DUSP19: variants seen among roughly 807,000 people sequenced by gnomAD.
DUSP19 encodes the protein dual specificity phosphatase 19, also known as dual specificity protein phosphatase 19.
DUSP19 carries 14 observed loss-of-function variants against 16.6 expected under a neutral mutation model. The ratio of observed to expected loss-of-function variants is 0.84; its 90% CI spans 0.56 to 1.32. DUSP19 has a LOEUF of 1.32. DUSP19 is among the 40% of genes most tolerant of loss of function. The pLI is 0.00. For synonymous variants in DUSP19, 81 were observed against 90.5 expected (o/e 0.90, Z 0.59); for missense variants, 258 against 255.9 (o/e 1.01, Z -0.06).
intron 3 of DUSP19, among the ~76,000 whole-genome samples, chr2:183,094,440 C>T (rs1242934139): frequency 6.6e-6 from 1 of 152,116 alleles, no homozygotes; most frequent in African/African-American, 2.4e-5. Flanking sequence ...ACTAAAATGT[C>T]TAATTCTGGA....
chr2:183,086,980 C>T, intron 2 of DUSP19, 60 bp from the exon 3 acceptor site: 1 of 1,542,490 alleles, frequency 6.5e-7, no homozygotes, highest in South Asian at 1.2e-5. Context: ...ACCCCAGTCT[C>T]TTTTTAGGTA....
chr2:183,079,514 A>G (rs1699565358), intron 1 of DUSP19, among the ~76,000 whole-genome samples: 1 of 152,224 alleles, frequency 6.6e-6, no homozygotes, highest in Non-Finnish European at 1.5e-5. Flanking sequence ...GAATGTTTGT[A>G]TCAGGCAGAA....
intron 3 of DUSP19, among the ~76,000 whole-genome samples, chr2:183,092,017 C>G (rs1699738150): frequency 6.6e-6 from 1 of 152,100 alleles, no homozygotes; most frequent in African/African-American, 2.4e-5. Context: ...AAAGTGTTGT[C>G]CAGTTTGCTA....
chr2:183,084,242 T>C (rs974724317), intron 2 of DUSP19, among the ~76,000 whole-genome samples: 2 of 151,932 alleles, frequency 1.3e-5, no homozygotes, highest in Non-Finnish European at 1.5e-5. Flanking sequence ...CAGGGGAGAC[T>C]TCCTGGAGGA....
At position 183,079,084 on chromosome 2, in the gene DUSP19, G is replaced by A. The variant is rs757629559; in HGVS notation, c.151G>A (p.Gly51Arg). The change falls in exon 1 of 4, where the codon GGG (glycine) becomes AGG (arginine). Residue 51 changes from glycine (G) to arginine (R), a missense_variant. Physicochemically the swap from Gly to Arg is moderately radical, Grantham distance 125. Coordinates refer to ENST00000354221, the MANE Select transcript of DUSP19 (RefSeq NM_080876.4). The stretch of plus-strand genomic sequence containing the variant: ...TGTGGAAGAAGTAGAGCCGAGCAGT[G>A]GGGGTGGTTGTGGTTATGTGCAGGA... Reference protein sequence around the residue: ...HVVEEVEPSSGGGCGYVQDLS... With the variant: ...HVVEEVEPSSRGGCGYVQDLS... 3 of 1,613,996 alleles carry A rather than the reference G, an allele frequency of 1.9e-6. No individual in the cohort carries two copies. The African/African-American group carries it at 4.0e-5, about 22-fold the overall frequency.
chr2:183,090,609 T>C (rs1435969891), intron 3 of DUSP19, among the ~76,000 whole-genome samples: 1 of 152,248 alleles, frequency 6.6e-6, no homozygotes, highest in Non-Finnish European at 1.5e-5. Context: ...CACTTAGATA[T>C]AAGCATTGTT....
chr2:183,087,109 A>G lies in DUSP19; in HGVS notation c.343A>G (p.Ile115Val). 1 of 1,613,266 alleles carries G rather than the reference A, an allele frequency of 6.2e-7. No individual in the cohort carries two copies. The highest frequency in any genetic ancestry group is 8.5e-7 in the Non-Finnish European group (1 of 1,179,770). The stretch of plus-strand genomic sequence containing the variant: ...CCTCAGTGACTTTACATATAAGAGC[A>G]TTTCTATATTGGATCTGCCTGAAAC... Reference protein sequence around the residue: ...AFLSDFTYKSISILDLPETNI... With the variant: ...AFLSDFTYKSVSILDLPETNI... The change falls in exon 3 of 4, where the codon ATT becomes GTT. Residue 115 changes from isoleucine to valine, a missense_variant. Transcript: ENST00000354221.
chr2:183,080,595 G>T (rs1172364893), intron 1 of DUSP19, among the ~76,000 whole-genome samples: 1 of 152,140 alleles, frequency 6.6e-6, no homozygotes, highest in Non-Finnish European at 1.5e-5. Context: ...TCATGGCTTG[G>T]AATAATTATG....
rs1018140567 is a variant in DUSP19 at position 183,097,519 on chromosome 2, A to AT, written c.*1862dup. The stretch of plus-strand genomic sequence containing the variant: ...CTGTCATGAGCAAAAAGTAGAAGTG[A>AT]TAAATGCAAGTTATGTTTTGAGATT... On this transcript the variant is annotated 3_prime_UTR_variant, in exon 4 of 4. Transcript: ENST00000354221. 1 of 152,238 alleles carries AT rather than the reference A, an allele frequency of 6.6e-6. No homozygotes were observed. The highest frequency in any genetic ancestry group is 2.4e-5 in the African/African-American group (1 of 41,464). The allele number at this position is 152,238 out of a possible 1,614,324, so 9.4% of individuals were successfully genotyped here. A position where few individuals can be genotyped will look rare whatever the true frequency, so the allele number is the denominator to read the frequency against.
At chr2:183,089,002 T>G (rs2105502419) in intron 3 of DUSP19, among the ~76,000 whole-genome samples, 1 of 152,262 alleles carries the variant, frequency 6.6e-6, no homozygotes, top group Non-Finnish European at 1.5e-5. Context: ...AGCAAGAGAT[T>G]GAATATTCTA....
At chr2:183,085,424 A>G (rs1203222812) in intron 2 of DUSP19, among the ~76,000 whole-genome samples, 1 of 152,216 alleles carries the variant, frequency 6.6e-6, no homozygotes, top group African/African-American at 2.4e-5. Context: ...AGAGTCAGCA[A>G]TGTCAGATGC....
Position 183,078,905 on chromosome 2 carries a change from T to A in DUSP19, c.-29T>A. ...GTTTTCTATGCCTGCTGGATTTGTT[T>A]GTATTTGTTCCCAGCCACTGCTCAT... On this transcript the variant is annotated 5_prime_UTR_variant, in exon 1 of 4. Transcript: ENST00000354221. 1.2e-6 allele frequency: 2 copies of A among 1,605,542 alleles called. No individual in the cohort carries two copies. Among genetic ancestry groups the A allele is most frequent in the Non-Finnish European group, 1.7e-6 (2 of 1,173,564 alleles).
At chr2:183,092,074 A>C (rs936471587) in intron 3 of DUSP19, among the ~76,000 whole-genome samples, 2 of 152,128 alleles carry the variant, frequency 1.3e-5, no homozygotes, top group African/African-American at 4.8e-5. Flanking sequence ...ATAAACCAAG[A>C]CATTGCTTAG....
At position 183,099,328 on chromosome 2, in the gene DUSP19, G is replaced by C. The variant is rs1699844330; in HGVS notation, c.*3670G>C. 6.6e-6 allele frequency: 1 copy of C among 152,138 alleles called. No individual in the cohort carries two copies. The highest frequency in any genetic ancestry group is 2.4e-5 in the African/African-American group (1 of 41,428). 9.4% of individuals were successfully genotyped at this position (152,138 alleles called of 1,614,324 possible). A position where few individuals can be genotyped will look rare whatever the true frequency, so the allele number is the denominator to read the frequency against. Reference sequence around the variant, plus strand: ...CATGATTACTTATTTATTTGTTCCAGGTGACTCTAAATAGTTGATTTTTCT... The same window carrying C: ...CATGATTACTTATTTATTTGTTCCACGTGACTCTAAATAGTTGATTTTTCT... On this transcript the variant is annotated 3_prime_UTR_variant, in exon 4 of 4. Coordinates refer to ENST00000354221, the MANE Select transcript of DUSP19 (RefSeq NM_080876.4).
chr2:183,090,449 T>C (rs566200825), intron 3 of DUSP19, among the ~76,000 whole-genome samples: 18 of 151,976 alleles, frequency 1.2e-4, no homozygotes, highest in Non-Finnish European at 2.5e-4. Context: ...TGTCCCCTCT[T>C]TTTATGTACA....
chr2:183,083,481 C>T, intron 1 of DUSP19, 27 bp from the exon 2 acceptor site: 2 of 1,576,808 alleles, frequency 1.3e-6, no homozygotes, highest in South Asian at 1.2e-5. Flanking sequence ...TATTTGTGTT[C>T]AAGGTGGTAT....
chr2:183,081,035 A>G (rs567359003), intron 1 of DUSP19, among the ~76,000 whole-genome samples: 1 of 152,334 alleles, frequency 6.6e-6, no homozygotes, highest in African/African-American at 2.4e-5. Flanking sequence ...TCCTCCCAGC[A>G]TCGCATGCCA....
rs545163324 is a variant in DUSP19 at position 183,095,880 on chromosome 2, A to T, written c.*222A>T. The T allele has an allele frequency of 1.5e-3, 509 of 335,610 alleles. 4 individuals carry two copies. Among genetic ancestry groups the T allele is most frequent in the Middle Eastern group, 0.012 (15 of 1,234 alleles). The allele number at this position is 335,610 out of a possible 1,614,324, so 20.8% of individuals were successfully genotyped here. On this transcript the variant is annotated 3_prime_UTR_variant, in exon 4 of 4. Coordinates refer to ENST00000354221, the MANE Select transcript of DUSP19 (RefSeq NM_080876.4). ...ATAATGTGTGATTAAATGCTTTTTTAAATTGCTAAGGGAAAATAACAAAGT... is the reference window on the plus strand; with the variant it reads ...ATAATGTGTGATTAAATGCTTTTTTTAATTGCTAAGGGAAAATAACAAAGT...
intron 3 of DUSP19, among the ~76,000 whole-genome samples, chr2:183,088,417 T>G (rs1464854616): frequency 1.4e-5 from 2 of 147,796 alleles, no homozygotes; most frequent in African/African-American, 5.0e-5. Flanking sequence ...TTTGTTTTTT[T>G]TTTTTTTGAG....
Sources: allele counts gnomAD v4.1 joint callset (sites outside exome capture counted in the v4.1 genomes callset), GRCh38; gene constraint gnomAD v4.1.1; transcripts MANE v1.5; gene names NCBI Gene and HGNC (gene_info 2026-07-23, HGNC 2026-07-21).